RAB38: variants seen among roughly 807,000 people sequenced by gnomAD.
RAB38 encodes RAB38, member RAS oncogene family, also known as ras-related protein Rab-38.
In RAB38, 15 loss-of-function variants were observed where a neutral mutation model predicts 18.4. The ratio of observed to expected loss-of-function variants is 0.82; its 90% CI spans 0.55 to 1.26. The LOEUF (loss-of-function observed/expected upper bound fraction) is 1.26, where lower values mean the gene tolerates loss of function less well. Among genes scored for constraint, RAB38 ranks in the 50% most tolerant of loss-of-function variants. RAB38 has a pLI of 0.00. For synonymous variants in RAB38, 101 were observed against 104.4 expected, an observed-to-expected ratio of 0.97 and a Z score of 0.20; for missense variants, 294 against 267.4, an observed-to-expected ratio of 1.10 and a Z score of -0.69.
the RAB38 span, among the ~76,000 whole-genome samples, chr11:88,016,337 A>G: frequency 6.6e-6 from 1 of 152,168 alleles, no homozygotes; most frequent in Admixed American, 6.6e-5. Context: ...TCAACAGGTT[A>G]TAATGAGGAC....
At chr11:87,918,965 T>C in the RAB38 span, among the ~76,000 whole-genome samples, 1 of 151,810 alleles carries the variant, frequency 6.6e-6, no homozygotes, top group African/African-American at 2.4e-5. Context: ...AAACATGACA[T>C]GAAGCTTTCC....
At chr11:88,058,564 T>C in the RAB38 span, among the ~76,000 whole-genome samples, 2 of 152,276 alleles carry the variant, frequency 1.3e-5, no homozygotes, top group African/African-American at 4.8e-5. Flanking sequence ...AGACATTACA[T>C]AAAAGGGATG....
At chr11:88,021,561 ATAAT>A in the RAB38 span, among the ~76,000 whole-genome samples, 2,160 of 141,492 alleles carry the variant, frequency 0.015, 103 homozygotes, top group South Asian at 0.057. Context: ...ATAGAGAAAG[ATAAT>A]TTATTTATTT....
At chr11:87,882,857 T>A in the RAB38 span, among the ~76,000 whole-genome samples, 3 of 151,878 alleles carry the variant, frequency 2.0e-5, no homozygotes, top group Non-Finnish European at 4.4e-5. Flanking sequence ...TTTGTGAGCT[T>A]TCTCCTCTCT....
At chr11:87,887,185 T>G in the RAB38 span, among the ~76,000 whole-genome samples, 1 of 151,968 alleles carries the variant, frequency 6.6e-6, no homozygotes, top group African/African-American at 2.4e-5. Flanking sequence ...AGAGGCTAAG[T>G]AACTTTTCCA....
the RAB38 span, among the ~76,000 whole-genome samples, chr11:87,873,935 T>TATATATATATATATATATAC: frequency 1.4e-5 from 2 of 142,502 alleles, no homozygotes; most frequent in South Asian, 4.4e-4. Flanking sequence ...TATATATATA[T>TATATATATATATATATATAC]ATATATATAT....
At chr11:88,033,692 C>T in the RAB38 span, among the ~76,000 whole-genome samples, 15,218 of 146,216 alleles carry the variant, frequency 0.1, 1,542 homozygotes, top group East Asian at 0.34. Context: ...TAGTAAAGAA[C>T]ATTTCTCTCA....
chr11:88,022,666 G>A, the RAB38 span, among the ~76,000 whole-genome samples: 2 of 129,696 alleles, frequency 1.5e-5, no homozygotes, highest in Non-Finnish European at 3.2e-5. Flanking sequence ...ATTCAGTAAA[G>A]TTTGCTAAGG....
At chr11:87,875,037 G>A in the RAB38 span, among the ~76,000 whole-genome samples, 1 of 151,592 alleles carries the variant, frequency 6.6e-6, no homozygotes, top group African/African-American at 2.4e-5. Flanking sequence ...CCAAGATATG[G>A]ATCTGTTGTT....
At chr11:87,898,530 G>T in the RAB38 span, among the ~76,000 whole-genome samples, 1 of 151,660 alleles carries the variant, frequency 6.6e-6, no homozygotes, top group African/African-American at 2.4e-5. Context: ...AGCATGTCTG[G>T]TTTTGTTCAT....
At chr11:88,085,165 T>C in the RAB38 span, among the ~76,000 whole-genome samples, 8 of 152,018 alleles carry the variant, frequency 5.3e-5, 1 homozygote, top group South Asian at 1.5e-3. Flanking sequence ...GCAATGATGC[T>C]CTGGTAAGGG....
the RAB38 span, among the ~76,000 whole-genome samples, chr11:87,893,390 A>ATATATATATATATATATATATTTTTTTT: frequency 7.5e-5 from 7 of 93,890 alleles, no homozygotes; most frequent in Admixed American, 1.5e-4. Context: ...ATATATATAT[A>ATATATATATATATATATATATTTTTTTT]TTTTTTTTTT....
the RAB38 span, among the ~76,000 whole-genome samples, chr11:87,910,684 A>AGCTT: frequency 7.4e-6 from 1 of 135,866 alleles, no homozygotes; most frequent in African/African-American, 3.0e-5. Flanking sequence ...TTCTGTCGCC[A>AGCTT]GCTTGGAGTG....
chr11:87,954,430 T>C, the RAB38 span, among the ~76,000 whole-genome samples: 1 of 152,182 alleles, frequency 6.6e-6, no homozygotes, highest in Non-Finnish European at 1.5e-5. Context: ...GACTAATTGG[T>C]CTTCAGGGAA....
the RAB38 span, among the ~76,000 whole-genome samples, chr11:87,865,811 G>T: frequency 6.6e-6 from 1 of 151,590 alleles, no homozygotes; most frequent in African/African-American, 2.4e-5. Flanking sequence ...AGAGGAAGGG[G>T]ATTTGTAGTC....
the RAB38 span, among the ~76,000 whole-genome samples, chr11:87,950,030 T>C: frequency 5.3e-5 from 8 of 152,212 alleles, no homozygotes; most frequent in African/African-American, 1.9e-4. Context: ...AGTCTAAGTT[T>C]CTTTGTAGGT....
At chr11:87,871,778 A>G in the RAB38 span, among the ~76,000 whole-genome samples, 1 of 151,528 alleles carries the variant, frequency 6.6e-6, no homozygotes, top group Non-Finnish European at 1.5e-5. Flanking sequence ...GAAGCATATA[A>G]TATATGCTGC....
At chr11:88,110,010 A>G (rs1942452447), downstream of RAB38, among the ~76,000 whole-genome samples, 1 of 152,212 alleles carries the variant, frequency 6.6e-6, no homozygotes, top group Non-Finnish European at 1.5e-5. Context: ...CAGCAATCCC[A>G]TTACTGGGCA....
chr11:87,962,405 A>G, the RAB38 span, among the ~76,000 whole-genome samples: 2 of 152,036 alleles, frequency 1.3e-5, no homozygotes, highest in Non-Finnish European at 2.9e-5. Flanking sequence ...CAAATACCAC[A>G]TGATCTCACT....
Sources: allele counts gnomAD v4.1 joint callset (sites outside exome capture counted in the v4.1 genomes callset), GRCh38; gene constraint gnomAD v4.1.1; transcripts MANE v1.5; gene names NCBI Gene and HGNC (gene_info 2026-07-23, HGNC 2026-07-21).